Variants in PDE11A observed in about 807,000 individuals in gnomAD.
PDE11A encodes dual 3',5'-cyclic-AMP and -GMP phosphodiesterase 11A.
In PDE11A, 100 loss-of-function variants were observed where a neutral mutation model predicts 100.5. The observed-to-expected ratio is 1.00, with a 90% confidence interval of 0.85 to 1.18. The LOEUF is 1.18. PDE11A is among the 50% of genes most tolerant of loss of function. The probability of loss-of-function intolerance (pLI) is 0.00; values close to 1 mark genes in which losing one functional copy is unlikely to be tolerated. For missense variants in PDE11A, 1,141 were observed against 1,152.6 expected (o/e 0.99, Z 0.15); for synonymous variants, 381 against 420.8 (o/e 0.91, Z 1.16).
intron 2 of PDE11A, among the ~76,000 whole-genome samples, chr2:177,916,730 TTTTA>T (rs2084958585): frequency 3.0e-5 from 2 of 67,456 alleles, no homozygotes; most frequent in Non-Finnish European, 8.0e-5. Flanking sequence ...TGAAGGTTCT[TTTTA>T]TTTTATTTTA....
chr2:178,064,117 C>G (rs947726760), intron 1 of PDE11A, among the ~76,000 whole-genome samples: 4 of 152,098 alleles, frequency 2.6e-5, no homozygotes, highest in African/African-American at 9.7e-5. Context: ...AACATATTAT[C>G]CCTATATTAT....
At chr2:177,647,922 A>T (rs952495969) in intron 19 of PDE11A, among the ~76,000 whole-genome samples, 1 of 152,052 alleles carries the variant, frequency 6.6e-6, no homozygotes, top group African/African-American at 2.4e-5. Context: ...ACCAGCCTGG[A>T]CAACACATTG....
chr2:177,913,989 T>G (rs2084917043), intron 2 of PDE11A, among the ~76,000 whole-genome samples: 1 of 152,116 alleles, frequency 6.6e-6, no homozygotes, highest in African/African-American at 2.4e-5. Flanking sequence ...ATACTCCCAC[T>G]AACAGTAATC....
At position 177,840,252 on chromosome 2, in the gene PDE11A, T is replaced by C; in HGVS notation, c.1499A>G (p.Glu500Gly). 1 of 1,614,094 alleles carries C rather than the reference T, an allele frequency of 6.2e-7. No homozygotes were observed. Among genetic ancestry groups the C allele is most frequent in the Non-Finnish European group, 8.5e-7 (1 of 1,179,978 alleles). ...DAYQDPRFDA[E>G]ADQISGFHIR... The stretch of plus-strand genomic sequence containing the variant: ...TGCAACCAGAGGGGCTCCTCTTACC[T>C]CTGCATCAAAGCGCGGATCCTGGTA... Residue 500 changes from glutamate (E) to glycine (G), a missense_variant and splice_region_variant, in exon 6 of 20, where the codon GAG (glutamate) becomes GGG (glycine). Transcript: ENST00000286063.
chr2:177,709,052 C>A (rs113201891), intron 13 of PDE11A, among the ~76,000 whole-genome samples: 2 of 152,056 alleles, frequency 1.3e-5, no homozygotes, highest in Non-Finnish European at 2.9e-5. Flanking sequence ...CTGAGCAGGA[C>A]CCCACCAGTG....
chr2:177,667,894 A>G (rs1276089120), intron 18 of PDE11A, among the ~76,000 whole-genome samples: 1 of 152,112 alleles, frequency 6.6e-6, no homozygotes, highest in African/African-American at 2.4e-5. Context: ...GACTCCTGGG[A>G]CCATGATACC....
At chr2:177,882,951 G>A (rs912241304) in intron 4 of PDE11A, among the ~76,000 whole-genome samples, 1 of 151,988 alleles carries the variant, frequency 6.6e-6, no homozygotes, top group African/African-American at 2.4e-5. Flanking sequence ...TTTTCTATAA[G>A]AGGACTACTC....
chr2:177,940,271 A>G (rs796629919), intron 2 of PDE11A, among the ~76,000 whole-genome samples: 5 of 152,332 alleles, frequency 3.3e-5, no homozygotes, highest in African/African-American at 1.2e-4. Flanking sequence ...TTAAGAATAC[A>G]TTCTCCAATT....
At chr2:177,650,083 G>A (rs111252868) in intron 19 of PDE11A, among the ~76,000 whole-genome samples, 126 of 152,148 alleles carry the variant, frequency 8.3e-4, no homozygotes, top group Non-Finnish European at 1.5e-3. Flanking sequence ...CAATAACATC[G>A]TATATAAATA....
intron 9 of PDE11A, among the ~76,000 whole-genome samples, chr2:177,797,537 A>G (rs2082723163): frequency 6.6e-6 from 1 of 152,250 alleles, no homozygotes; most frequent in Admixed American, 6.5e-5. Flanking sequence ...ATAACATAGC[A>G]AAAGCAGAAG....
intron 1 of PDE11A, among the ~76,000 whole-genome samples, chr2:178,049,032 G>T (rs1239100954): frequency 2.0e-5 from 3 of 152,106 alleles, no homozygotes; most frequent in Admixed American, 6.5e-5. Context: ...GAAAGGGATA[G>T]CATCTACTCT....
chr2:177,927,169 G>C (rs1408129603), intron 2 of PDE11A, among the ~76,000 whole-genome samples: 2 of 152,124 alleles, frequency 1.3e-5, no homozygotes, highest in Non-Finnish European at 1.5e-5. Context: ...CCAAACAATA[G>C]CTCTCTTCCT....
At chr2:177,950,309 C>T (rs549027343) in intron 2 of PDE11A, among the ~76,000 whole-genome samples, 121 of 152,072 alleles carry the variant, frequency 8.0e-4, no homozygotes, top group South Asian at 2.3e-3. Context: ...TCTTTCTTAC[C>T]TCTTGTTTTA....
intron 2 of PDE11A, among the ~76,000 whole-genome samples, chr2:177,967,374 T>C (rs190344667): frequency 8.6e-4 from 130 of 151,848 alleles, no homozygotes; most frequent in African/African-American, 3.0e-3. Context: ...TTTTTTATAG[T>C]TTTAGTAGAG....
intron 12 of PDE11A, among the ~76,000 whole-genome samples, chr2:177,715,261 G>A (rs879868535): frequency 3.9e-5 from 6 of 152,138 alleles, no homozygotes; most frequent in Non-Finnish European, 8.8e-5. Context: ...TTGCTTTCGA[G>A]AAGAACATAC....
At chr2:178,015,051 G>C (rs907887475) in intron 1 of PDE11A, among the ~76,000 whole-genome samples, 1 of 152,094 alleles carries the variant, frequency 6.6e-6, no homozygotes, top group African/African-American at 2.4e-5. Context: ...ACAAGCAAGG[G>C]TCATTAAGTA....
intron 2 of PDE11A, among the ~76,000 whole-genome samples, chr2:178,095,283 T>C (rs2105885764): frequency 6.6e-6 from 1 of 151,312 alleles, no homozygotes; most frequent in East Asian, 1.9e-4. Context: ...CCATTCCAAA[T>C]GGGAGAAATT....
At chr2:177,649,669 G>A (rs2080280892) in intron 19 of PDE11A, among the ~76,000 whole-genome samples, 1 of 152,138 alleles carries the variant, frequency 6.6e-6, no homozygotes, top group African/African-American at 2.4e-5. Context: ...ATTAAAAACA[G>A]TGTAAAAACA....
At chr2:178,000,685 A>T (rs1254474741) in intron 2 of PDE11A, among the ~76,000 whole-genome samples, 1 of 152,166 alleles carries the variant, frequency 6.6e-6, no homozygotes, top group African/African-American at 2.4e-5. Context: ...TTTTTTAATG[A>T]TTTCTAACTC....
Sources: allele counts gnomAD v4.1 joint callset (sites outside exome capture counted in the v4.1 genomes callset), GRCh38; gene constraint gnomAD v4.1.1; transcripts MANE v1.5; gene names NCBI Gene and HGNC (gene_info 2026-07-23, HGNC 2026-07-21).